The following GNB4 variants were observed in gnomAD, a reference collection of about 807,000 sequenced individuals.
GNB4 encodes guanine nucleotide-binding protein subunit beta-4.
In GNB4, 28 loss-of-function variants were observed where a neutral mutation model predicts 45.2. The observed-to-expected ratio is 0.62, with a 90% CI of 0.46 to 0.85. GNB4 has a LOEUF of 0.85. GNB4 is among the 40% of genes least tolerant of loss of function. The probability of loss-of-function intolerance (pLI) is 0.00; values close to 1 mark genes in which losing one functional copy is unlikely to be tolerated. For missense variants in GNB4, 321 were observed against 425.4 expected, an observed-to-expected ratio of 0.75 and a Z score of 2.16; for synonymous variants, 132 against 143.7, an observed-to-expected ratio of 0.92 and a Z score of 0.58.
chr3:179,410,012 G>A (rs1714604738), intron 8 of GNB4, among the ~76,000 whole-genome samples: 1 of 152,062 alleles, frequency 6.6e-6, no homozygotes, highest in Non-Finnish European at 1.5e-5. Flanking sequence ...GTGACAGTGA[G>A]TTCTCACGAG....
the GNB4 span, among the ~76,000 whole-genome samples, chr3:179,519,705 G>A: frequency 7.9e-5 from 12 of 152,024 alleles, no homozygotes; most frequent in East Asian, 5.8e-4. Flanking sequence ...CTCCCAGTTC[G>A]AAGCCTCCTT....
chr3:179,420,933 G>T lies in GNB4; in HGVS notation c.58-6C>A. ...TTACATGCTTTCCGAGCATCCTGAA[G>T]TAAAAAAATATGATTATAATGCATT... is the stretch of plus-strand genomic sequence containing the variant. On this transcript the variant is annotated splice_region_variant and splice_polypyrimidine_tract_variant and intron_variant, in intron 2 of 9. Transcript: ENST00000232564. 1 of 1,561,918 alleles carries T rather than the reference G, an allele frequency of 6.4e-7. No individual in the cohort carries two copies. Among genetic ancestry groups the T allele is most frequent in the Non-Finnish European group, 8.8e-7 (1 of 1,137,756 alleles).
chr3:179,410,980 C>T (rs1714634453), intron 8 of GNB4, among the ~76,000 whole-genome samples: 1 of 152,058 alleles, frequency 6.6e-6, no homozygotes, highest in Admixed American at 6.5e-5. Flanking sequence ...TCTAATACGA[C>T]ATCACATTAT....
At chr3:179,427,120 A>G (rs1470077734) in intron 1 of GNB4, among the ~76,000 whole-genome samples, 1 of 151,890 alleles carries the variant, frequency 6.6e-6, no homozygotes, top group African/African-American at 2.4e-5. Flanking sequence ...CTCTGCTTGG[A>G]TAGCTCCTGT....
At chr3:179,438,350 C>T (rs1010748477) in intron 1 of GNB4, among the ~76,000 whole-genome samples, 1 of 152,160 alleles carries the variant, frequency 6.6e-6, no homozygotes, top group African/African-American at 2.4e-5. Flanking sequence ...AGTGTGACCC[C>T]GGAAATTCTT....
intron 9 of GNB4, among the ~76,000 whole-genome samples, chr3:179,403,843 C>T (rs1379047641): frequency 6.6e-6 from 1 of 150,388 alleles, no homozygotes; most frequent in South Asian, 2.1e-4. Context: ...AATAAAAATT[C>T]TTAAAAAACA....
chr3:179,405,402 A>G lies in GNB4; in HGVS notation c.704T>C (p.Phe235Ser). Residue 235 changes from phenylalanine (F) to serine (S), a missense_variant, in exon 9 of 10, where the codon TTC (phenylalanine) becomes TCC (serine). Physicochemically the swap from Phe to Ser is radical, Grantham distance 155. Coordinates refer to ENST00000232564, the MANE Select transcript of GNB4 (RefSeq NM_021629.4). ...AGTGGCGAAGGCATATCCATTTGGG[A>G]AAAACTAGACAGGAAAGTAACAAAC... ...HVSDINAVSF[F>S]PNGYAFATGS... 6.2e-7 allele frequency: 1 copy of G among 1,607,032 alleles called. No individual in the cohort carries two copies. The highest frequency in any genetic ancestry group is 8.5e-7 in the Non-Finnish European group (1 of 1,174,884).
chr3:179,452,738 A>C (rs1254077044), upstream of GNB4, among the ~76,000 whole-genome samples: 2 of 152,190 alleles, frequency 1.3e-5, no homozygotes, highest in Non-Finnish European at 2.9e-5. Flanking sequence ...TTTTTCCCCC[A>C]AAATTTTCAT....
intron 8 of GNB4, among the ~76,000 whole-genome samples, chr3:179,408,648 C>G (rs749005829): frequency 6.6e-6 from 1 of 151,780 alleles, no homozygotes; most frequent in Non-Finnish European, 1.5e-5. Context: ...AACAATTAGC[C>G]GGGCATGGTA....
intron 1 of GNB4, among the ~76,000 whole-genome samples, chr3:179,440,050 A>G (rs1424441273): frequency 6.6e-6 from 1 of 152,250 alleles, no homozygotes; most frequent in East Asian, 1.9e-4. Flanking sequence ...TGGCTTCAGA[A>G]AGGGCAAAGA....
intron 1 of GNB4, among the ~76,000 whole-genome samples, chr3:179,438,768 T>C (rs1403102714): frequency 1.3e-5 from 2 of 152,174 alleles, no homozygotes; most frequent in Non-Finnish European, 2.9e-5. Context: ...AGGACTCTCC[T>C]ATTGAGGGGT....
chr3:179,513,951 T>C, the GNB4 span, among the ~76,000 whole-genome samples: 1 of 152,234 alleles, frequency 6.6e-6, no homozygotes, highest in Non-Finnish European at 1.5e-5. Context: ...TGGTAGTCAT[T>C]GGCAGGCAAT....
At chr3:179,403,975 T>TG (rs1305013635) in intron 9 of GNB4, among the ~76,000 whole-genome samples, 1 of 152,046 alleles carries the variant, frequency 6.6e-6, no homozygotes, top group Non-Finnish European at 1.5e-5. Context: ...CAAATGTCCC[T>TG]GTTCTATAGG....
chr3:179,409,892 T>C (rs1488794055), intron 8 of GNB4, among the ~76,000 whole-genome samples: 1 of 152,004 alleles, frequency 6.6e-6, no homozygotes, highest in African/African-American at 2.4e-5. Context: ...TGGCTTTGTT[T>C]CCCCACCCAA....
chr3:179,404,553 G>T (rs913015962), intron 9 of GNB4, among the ~76,000 whole-genome samples: 1 of 152,170 alleles, frequency 6.6e-6, no homozygotes, highest in Non-Finnish European at 1.5e-5. Flanking sequence ...GGGGAGAGAG[G>T]AGGGGTAGGT....
In GNB4 at chr3:179,400,673, G is replaced by C. The variant is rs1036143452; in HGVS notation, c.*540C>G. 6.6e-6 allele frequency: 1 copy of C among 152,220 alleles called. No homozygotes were observed. Among genetic ancestry groups the C allele is most frequent in the African/African-American group, 2.4e-5 (1 of 41,438 alleles). 9.4% of individuals were successfully genotyped at this position (152,220 alleles called of 1,614,324 possible). A position where few individuals can be genotyped will look rare whatever the true frequency, so the allele number is the denominator to read the frequency against. On this transcript the variant is annotated 3_prime_UTR_variant, in exon 10 of 10. Coordinates refer to ENST00000232564, the MANE Select transcript of GNB4 (RefSeq NM_021629.4). ...CATGAGAAACAATGAACTCCCCTCA[G>C]AGGTGCCCCACCTGTCAATGCTCTT...
intron 1 of GNB4, among the ~76,000 whole-genome samples, chr3:179,427,391 G>A (rs1004401212): frequency 1.3e-5 from 2 of 151,930 alleles, no homozygotes; most frequent in Non-Finnish European, 2.9e-5. Context: ...CATCGCTTGA[G>A]GCCAGGAGTT....
chr3:179,464,401 A>G, the GNB4 span: 1 of 1,278,846 alleles, frequency 7.8e-7, no homozygotes, highest in Non-Finnish European at 1.1e-6. Context: ...CAGCCCGTGC[A>G]CAGCTGCTCC....
chr3:179,486,547 C>T, the GNB4 span, among the ~76,000 whole-genome samples: 1 of 152,256 alleles, frequency 6.6e-6, no homozygotes, highest in Admixed American at 6.5e-5. Flanking sequence ...AAGAATATCC[C>T]TGACATCTCT....
Sources: allele counts gnomAD v4.1 joint callset (sites outside exome capture counted in the v4.1 genomes callset), GRCh38; gene constraint gnomAD v4.1.1; transcripts MANE v1.5; gene names NCBI Gene and HGNC (gene_info 2026-07-23, HGNC 2026-07-21).